Variants in ANAPC7 observed in about 807,000 individuals in gnomAD.
ANAPC7 encodes the protein anaphase promoting complex subunit 7, also known as anaphase-promoting complex subunit 7.
In ANAPC7, 25 loss-of-function variants were observed where a neutral mutation model predicts 63.3. That is an observed-to-expected ratio of 0.39 (90% CI 0.29 to 0.55). The LOEUF (loss-of-function observed/expected upper bound fraction) is 0.55, where lower values mean the gene tolerates loss of function less well. Among genes scored for constraint, ANAPC7 ranks in the 20% least tolerant of loss-of-function variants. The pLI, the probability that ANAPC7 is intolerant of heterozygous loss-of-function variation, is 0.57. For synonymous variants in ANAPC7, 241 were observed against 251.7 expected (o/e 0.96, Z 0.40); for missense variants, 516 against 691.7 (o/e 0.75, Z 2.85).
chr12:110,396,295 C>T lies in ANAPC7; in HGVS notation c.259G>A (p.Gly87Arg), dbSNP rs771740342. ...SKTSKVRPST[G>R]NSASTPQSQC... ...CTTTGTGGAGTAGATGCAGAATTTC[C>T]AGTTGAAGGTCTCACTTTTGAAGTT... Residue 87 changes from glycine to arginine, a missense_variant, in exon 2 of 11, where the codon GGA becomes AGA. Gly to Arg is a moderately radical substitution (Grantham distance 125). Transcript: ENST00000455511. The T allele has an allele frequency of 6.2e-7, 1 of 1,612,664 alleles. No homozygotes were observed. Among genetic ancestry groups the T allele is most frequent in the Non-Finnish European group, 8.5e-7 (1 of 1,179,650 alleles).
At chr12:110,391,259 T>A (rs188685102) in intron 3 of ANAPC7, among the ~76,000 whole-genome samples, 4 of 152,124 alleles carry the variant, frequency 2.6e-5, no homozygotes, top group African/African-American at 9.7e-5. Context: ...TAAAGCCACA[T>A]TCCACCAGTT....
chr12:110,381,788 T>C lies in ANAPC7; in HGVS notation c.1096A>G (p.Ile366Val). 2 of 1,613,920 alleles carry C rather than the reference T, an allele frequency of 1.2e-6. No homozygotes were observed. The highest frequency in any genetic ancestry group is 8.5e-7 in the Non-Finnish European group (1 of 1,180,012). ...QEAIIHFREA[I>V]RLAPCRLDCY... The stretch of plus-strand genomic sequence containing the variant: ...TCTAAGCGACAAGGTGCGAGCCGTA[T>C]GGCCTCCCGAAAGTGGATTATTGCT... Residue 366 changes from isoleucine to valine, a missense_variant, in exon 8 of 11, where the codon ATA becomes GTA. Ile to Val is a conservative substitution (Grantham distance 29). Around this residue, in one of 4 missense-constraint regions of ANAPC7, gnomAD observed 199 missense variants for 249.3 expected, o/e 0.80. Transcript: ENST00000455511.
intron 2 of ANAPC7, among the ~76,000 whole-genome samples, chr12:110,395,723 A>G (rs1166669210): frequency 1.3e-5 from 2 of 152,006 alleles, no homozygotes; most frequent in Admixed American, 6.6e-5. Flanking sequence ...TATTTTTAGT[A>G]GAGACGGCGT....
At chr12:110,388,452 T>C in intron 4 of ANAPC7, 60 bp downstream of exon 4, 3 of 1,339,546 alleles carry the variant, frequency 2.2e-6, no homozygotes, top group South Asian at 1.2e-5. Context: ...ACAGGCAAGA[T>C]TGAGAACTAC....
chr12:110,376,304 G>A, intron 9 of ANAPC7, 88 bp from the exon 10 acceptor site: 1 of 1,471,214 alleles, frequency 6.8e-7, no homozygotes, highest in Non-Finnish European at 9.3e-7. Flanking sequence ...ACATCCTCAA[G>A]AGAACACTGG....
Position 110,403,586 on chromosome 12 carries a change from C to A in ANAPC7, c.42G>T (p.Gly14=). The change falls in exon 1 of 11, where the codon GGG becomes GGT. Residue 14 remains glycine (G), a synonymous_variant. Transcript: ENST00000455511. ...TGAGGAGCCGCACGTTGGAGTGCAGCCCCGCGGCCGCCATGTCCCGCACGT... is the reference window on the plus strand; with the variant it reads ...TGAGGAGCCGCACGTTGGAGTGCAGACCCGCGGCCGCCATGTCCCGCACGT... ...IDHVRDMAAA[G]LHSNVRLLSS... 6.2e-7 allele frequency: 1 copy of A among 1,608,664 alleles called. No individual in the cohort carries two copies. The highest frequency in any genetic ancestry group is 8.5e-7 in the Non-Finnish European group (1 of 1,178,036).
intron 3 of ANAPC7, among the ~76,000 whole-genome samples, chr12:110,389,518 A>G (rs564068808): frequency 1.3e-5 from 2 of 152,376 alleles, no homozygotes; most frequent in South Asian, 2.1e-4. Context: ...TACAAAAATC[A>G]GCTACACTAT....
intron 1 of ANAPC7, among the ~76,000 whole-genome samples, chr12:110,400,017 G>A (rs1306539141): frequency 6.6e-6 from 1 of 151,972 alleles, no homozygotes; most frequent in Non-Finnish European, 1.5e-5. Flanking sequence ...CTTGAACCCA[G>A]CAGGCGGAGG....
intron 3 of ANAPC7, among the ~76,000 whole-genome samples, chr12:110,390,724 T>C (rs890946536): frequency 6.6e-6 from 1 of 152,194 alleles, no homozygotes; most frequent in African/African-American, 2.4e-5. Context: ...AACTCCAGGA[T>C]TGATGTCAAT....
intron 6 of ANAPC7, among the ~76,000 whole-genome samples, chr12:110,383,999 A>G (rs1592905393): frequency 6.6e-6 from 1 of 151,258 alleles, no homozygotes; most frequent in Non-Finnish European, 1.5e-5. Flanking sequence ...TCAGGAGTTC[A>G]AGACCAGCCT....
At chr12:110,397,874 G>A (rs1398395894) in intron 1 of ANAPC7, among the ~76,000 whole-genome samples, 4 of 151,936 alleles carry the variant, frequency 2.6e-5, no homozygotes, top group African/African-American at 7.3e-5. Flanking sequence ...CAGCCTGGGC[G>A]ACAAGAGTGA....
At chr12:110,393,728 A>C (rs1235396900) in intron 3 of ANAPC7, among the ~76,000 whole-genome samples, 1 of 152,022 alleles carries the variant, frequency 6.6e-6, no homozygotes, top group Non-Finnish European at 1.5e-5. Context: ...TTAGTTGGGC[A>C]TGGTGGCGCA....
Position 110,386,488 on chromosome 12 carries a change from A to C in ANAPC7, c.675-19T>G. ...TAGTGAACTTTAAGATATTTATTAA[A>C]CATTGAACCTTTAAATCTATTATAA... On this transcript the variant is annotated intron_variant, in intron 5 of 10. Transcript: ENST00000455511. The C allele has an allele frequency of 1.9e-6, 3 of 1,593,240 alleles. No homozygotes were observed. The highest frequency in any genetic ancestry group is 2.6e-6 in the Non-Finnish European group (3 of 1,165,586).
At chr12:110,375,514 T>C (rs1881184490) in intron 10 of ANAPC7, 1 of 947,586 alleles carries the variant, frequency 1.1e-6, no homozygotes, top group Non-Finnish European at 1.3e-6. Flanking sequence ...GCATTTACTA[T>C]GTACCAGGCA....
Position 110,395,142 on chromosome 12 carries a change from C to G in ANAPC7, c.367G>C (p.Ala123Pro). 1 of 1,613,816 alleles carries G rather than the reference C, an allele frequency of 6.2e-7. No individual in the cohort carries two copies. Among genetic ancestry groups the G allele is most frequent in the African/African-American group, 1.3e-5 (1 of 75,026 alleles). The change falls in exon 3 of 11, where the codon GCT becomes CCT. Residue 123 changes from alanine to proline, a missense_variant. By Grantham distance (27) the Ala-to-Pro change is conservative (BLOSUM62 -1). Around this residue, in one of 4 missense-constraint regions of ANAPC7, gnomAD observed 185 missense variants for 200.3 expected, o/e 0.92. Coordinates refer to ENST00000455511, the MANE Select transcript of ANAPC7 (RefSeq NM_016238.3). ...TMLKQDKDAI[A>P]ILDGIPSRQR... Reference sequence around the variant, plus strand: ...CTTGAAGGGATCCCATCAAGTATAGCAATGGCATCTTTATCTTGTTTTAGC... The same window carrying G: ...CTTGAAGGGATCCCATCAAGTATAGGAATGGCATCTTTATCTTGTTTTAGC...
intron 2 of ANAPC7, among the ~76,000 whole-genome samples, 180 bp downstream of exon 2, chr12:110,396,086 C>A (rs567908839): frequency 6.6e-6 from 1 of 152,172 alleles, no homozygotes; most frequent in African/African-American, 2.4e-5. Context: ...AATCTAATGC[C>A]GCAGCTGATC....
intron 3 of ANAPC7, 100 bp from the exon 4 acceptor site, chr12:110,388,723 T>A: frequency 1.2e-6 from 1 of 860,140 alleles, no homozygotes; most frequent in South Asian, 1.6e-5. Flanking sequence ...TTATTTACTT[T>A]TTACTGGAAA....
chr12:110,376,679 AATTATGAGTTTATCATAAATCAGGACTG>A (rs1881314171), intron 9 of ANAPC7, among the ~76,000 whole-genome samples: 1 of 151,726 alleles, frequency 6.6e-6, no homozygotes. Context: ...CAATGAACCA[AATTATGAGTTTATCATAAATCAGGACTG>A]AAAAAAAAAA....
At chr12:110,398,413 T>C (rs2062174805) in intron 1 of ANAPC7, among the ~76,000 whole-genome samples, 1 of 142,236 alleles carries the variant, frequency 7.0e-6, no homozygotes, top group South Asian at 2.2e-4. Flanking sequence ...AATGAAACCC[T>C]GTCTCAGAAA....
Sources: allele counts gnomAD v4.1 joint callset (sites outside exome capture counted in the v4.1 genomes callset), GRCh38; gene constraint gnomAD v4.1.1; regional missense constraint gnomAD v4.1.1; transcripts MANE v1.5; gene names NCBI Gene and HGNC (gene_info 2026-07-23, HGNC 2026-07-21).